MCPH1: variants seen among roughly 807,000 people sequenced by gnomAD.
MCPH1 encodes microcephalin.
Under a neutral mutation model 84.5 loss-of-function variants are expected in MCPH1, and 104 were observed. The ratio of observed to expected loss-of-function variants is 1.23; its 90% CI spans 1.05 to 1.45. The LOEUF is 1.45. Ranked by LOEUF, MCPH1 falls within the 40% of genes most tolerant of loss-of-function variation. MCPH1 has a pLI of 0.00. For missense variants in MCPH1, 1,498 were observed against 1,005.7 expected (o/e 1.49, Z -6.62); for synonymous variants, 514 against 366.8 (o/e 1.40, Z -4.58).
chr8:6,443,680 G>A lies in MCPH1; in HGVS notation c.671-713G>A, dbSNP rs147998982. Reference sequence around the variant, plus strand: ...ATGATGCATGATGGTGTGTAGCAGAGGGGGCAAGGCCAGGGAGAGCTGGCA... The same window carrying A: ...ATGATGCATGATGGTGTGTAGCAGAAGGGGCAAGGCCAGGGAGAGCTGGCA... On this transcript the variant is annotated intron_variant, in intron 7 of 13. Coordinates refer to ENST00000344683, the MANE Select transcript of MCPH1 (RefSeq NM_024596.5). Among the ~76,000 whole-genome samples the A allele has an allele frequency of 3.9e-3, 598 of 152,354 alleles. 3 individuals carry two copies. The highest frequency in any genetic ancestry group is 6.2e-3 in the Non-Finnish European group (421 of 68,028).
Position 6,485,324 on chromosome 8 carries a change from CA to C in MCPH1, c.2136+4460del, listed in dbSNP as rs955800020. ...TGGGTGACAGAGTGAGACTCTGTCT[CA>C]AAAAAAAAAAAGTATATCTTACATA... On this transcript the variant is annotated intron_variant, in intron 11 of 13. Transcript: ENST00000344683. 7.7e-4 allele frequency among the ~76,000 whole-genome samples: 107 copies of C among 138,664 alleles called. 1 individual carries two copies. Among genetic ancestry groups the C allele is most frequent in the Admixed American group, 1.1e-3 (16 of 13,914 alleles). The allele number at this position is 138,664 out of a possible 152,430, so 91.0% of individuals were successfully genotyped here.
chr8:6,480,486 C>T (rs549946054), intron 10 of MCPH1, among the ~76,000 whole-genome samples: 2 of 152,300 alleles, frequency 1.3e-5, no homozygotes, highest in East Asian at 3.9e-4. Flanking sequence ...CCATTGACAG[C>T]CTGTGGGCTT....
intron 12 of MCPH1, among the ~76,000 whole-genome samples, chr8:6,569,251 ATCT>A (rs772105976): frequency 1.3e-5 from 2 of 152,228 alleles, no homozygotes; most frequent in Non-Finnish European, 2.9e-5. Flanking sequence ...AAAGAAAAAA[ATCT>A]TCTTTCTGAA....
chr8:6,430,998 G>A (rs146352316), intron 3 of MCPH1, among the ~76,000 whole-genome samples: 26 of 152,296 alleles, frequency 1.7e-4, no homozygotes, highest in African/African-American at 6.3e-4. Flanking sequence ...AGGAGGCTTG[G>A]CAATGCGGAG....
intron 12 of MCPH1, among the ~76,000 whole-genome samples, chr8:6,591,158 A>C (rs1828422459): frequency 6.6e-6 from 1 of 152,334 alleles, no homozygotes; most frequent in South Asian, 2.1e-4. Flanking sequence ...TGGCCTCCCA[A>C]CGTGCTGGGA....
At chr8:6,574,263 C>G (rs1826885729) in intron 12 of MCPH1, among the ~76,000 whole-genome samples, 2 of 152,282 alleles carry the variant, frequency 1.3e-5, no homozygotes, top group East Asian at 3.9e-4. Flanking sequence ...GGGCCATGCT[C>G]CCTCTGAAAC....
At chr8:6,621,003 G>C (rs1164039297) in intron 12 of MCPH1, 4 of 235,710 alleles carry the variant, frequency 1.7e-5, no homozygotes, top group African/African-American at 9.2e-5. Flanking sequence ...TCCTATAAAA[G>C]TCCTTTTCTG....
chr8:6,533,997 G>A lies in MCPH1; in HGVS notation c.2214+34068G>A, dbSNP rs557155286. Among the ~76,000 whole-genome samples, 3 of 152,042 alleles carry A rather than the reference G, an allele frequency of 2.0e-5. No homozygotes were observed. The South Asian group carries it at 6.2e-4, about 32-fold the overall frequency. ...CTGGAACTATAAGTTTCCTGTTTCC[G>A]ATGCCCCCTCGCCATCGACTCTGCC... On this transcript the variant is annotated intron_variant, in intron 12 of 13. Coordinates refer to ENST00000344683, the MANE Select transcript of MCPH1 (RefSeq NM_024596.5).
Position 6,581,766 on chromosome 8 carries a change from C to T in MCPH1, c.2215-39688C>T, listed in dbSNP as rs563069404. On this transcript the variant is annotated intron_variant, in intron 12 of 13. Coordinates refer to ENST00000344683, the MANE Select transcript of MCPH1 (RefSeq NM_024596.5). ...TCATTCAAACTGGGTGTCTTATAAA[C>T]GATAGAAATTTATTTCTCACAGTTC... Among the ~76,000 whole-genome samples, 98 of 152,222 alleles carry T rather than the reference C, an allele frequency of 6.4e-4. No individual in the cohort carries two copies. The South Asian group carries it at 0.019, about 30-fold the overall frequency.
At chr8:6,438,865 T>C (rs976605443) in intron 5 of MCPH1, 88 bp from the exon 6 acceptor site, 2 of 1,190,372 alleles carry the variant, frequency 1.7e-6, no homozygotes, top group African/African-American at 3.0e-5. Flanking sequence ...GAAAACGGGG[T>C]GTGGGGGGTT....
At position 6,613,413 on chromosome 8, in the gene MCPH1, C is replaced by T. The variant is rs141476389; in HGVS notation, c.2215-8041C>T. Among the ~76,000 whole-genome samples the T allele has an allele frequency of 9.6e-4, 146 of 152,172 alleles. 2 individuals carry two copies. Among genetic ancestry groups the T allele is most frequent in the African/African-American group, 3.3e-3 (139 of 41,512 alleles). ...ATTTAACCCGGGTTGTGGTTTGACT[C>T]AGTCTGACGTGGAGAGAAGGGCCAG... On this transcript the variant is annotated intron_variant, in intron 12 of 13. Coordinates refer to ENST00000344683, the MANE Select transcript of MCPH1 (RefSeq NM_024596.5).
chr8:6,450,126 A>T (rs1286831637), intron 8 of MCPH1, among the ~76,000 whole-genome samples: 1 of 152,206 alleles, frequency 6.6e-6, no homozygotes, highest in East Asian at 1.9e-4. Context: ...CAATTTGGTC[A>T]TGTCCAACTA....
At chr8:6,627,615 G>A (rs1796839570) in intron 13 of MCPH1, among the ~76,000 whole-genome samples, 1 of 152,204 alleles carries the variant, frequency 6.6e-6, no homozygotes, top group Admixed American at 6.5e-5. Context: ...TCTCAGCCAG[G>A]TGCGGTGGCC....
At chr8:6,497,861 C>G (rs1399447183) in intron 11 of MCPH1, among the ~76,000 whole-genome samples, 1 of 152,118 alleles carries the variant, frequency 6.6e-6, no homozygotes, top group Non-Finnish European at 1.5e-5. Flanking sequence ...TTGATTTGAA[C>G]ATAGGTACAT....
At chr8:6,424,740 G>C (rs1293487499) in intron 3 of MCPH1, among the ~76,000 whole-genome samples, 1 of 152,216 alleles carries the variant, frequency 6.6e-6, no homozygotes, top group Non-Finnish European at 1.5e-5. Flanking sequence ...AGTAGCTCCT[G>C]AGTTAACTTC....
At chr8:6,560,744 G>A (rs779845310) in intron 12 of MCPH1, among the ~76,000 whole-genome samples, 3 of 152,176 alleles carry the variant, frequency 2.0e-5, no homozygotes, top group African/African-American at 2.4e-5. Flanking sequence ...CATAGAACTC[G>A]TTGTCTTTTT....
chr8:6,422,757 C>T (rs573791319), intron 3 of MCPH1, among the ~76,000 whole-genome samples: 17 of 151,932 alleles, frequency 1.1e-4, no homozygotes, highest in African/African-American at 2.2e-4. Flanking sequence ...GGTGCGATCT[C>T]GGCTTACTGC....
intron 8 of MCPH1, among the ~76,000 whole-genome samples, chr8:6,451,669 T>G (rs1377643532): frequency 6.6e-6 from 1 of 151,996 alleles, no homozygotes; most frequent in Non-Finnish European, 1.5e-5. Flanking sequence ...CCCGTATAAC[T>G]TGCATATATA....
chr8:6,556,042 T>C (rs1471246084), intron 12 of MCPH1, among the ~76,000 whole-genome samples: 1 of 152,178 alleles, frequency 6.6e-6, no homozygotes, highest in Non-Finnish European at 1.5e-5. Context: ...GATGCTGGCC[T>C]AGGAGTGCCC....
Sources: gnomAD v4.1 joint callset for allele counts (sites outside exome capture counted in the v4.1 genomes callset) on GRCh38, gnomAD v4.1.1 for gene constraint, MANE v1.5 for transcripts, NCBI Gene and HGNC (gene_info 2026-07-23, HGNC 2026-07-21) for gene names.